Variants in TNR observed in about 807,000 individuals in gnomAD.
TNR encodes the protein tenascin R, also known as tenascin-R.
TNR carries 45 observed loss-of-function variants against 150.4 expected under a neutral mutation model. That is an observed-to-expected ratio of 0.30 (90% CI 0.24 to 0.38). The LOEUF is 0.38. TNR is among the 10% of genes least tolerant of loss of function. TNR has a pLI of 1.00. For synonymous variants in TNR, 687 were observed against 678.4 expected (o/e 1.01, Z -0.20); for missense variants, 1,544 against 1,759.1 (o/e 0.88, Z 2.19).
intron 2 of TNR, among the ~76,000 whole-genome samples, chr1:175,500,884 A>C (rs1658706383): frequency 6.6e-6 from 1 of 152,206 alleles, no homozygotes; most frequent in Admixed American, 6.5e-5. Context: ...ATAGCCATCC[A>C]GTCCTAATGG....
At chr1:175,650,115 A>C (rs1043351256) in intron 1 of TNR, among the ~76,000 whole-genome samples, 1 of 152,170 alleles carries the variant, frequency 6.6e-6, no homozygotes, top group Non-Finnish European at 1.5e-5. Context: ...CTTCATTTTG[A>C]TATCAATGTT....
intron 11 of TNR, among the ~76,000 whole-genome samples, 194 bp from the exon 12 acceptor site, chr1:175,365,473 T>G (rs1651792255): frequency 1.3e-5 from 2 of 152,172 alleles, no homozygotes; most frequent in Non-Finnish European, 2.9e-5. Context: ...TATAGGAAAA[T>G]GGATTCTGTT....
At chr1:175,525,944 G>A (rs559358177) in intron 2 of TNR, among the ~76,000 whole-genome samples, 3 of 152,002 alleles carry the variant, frequency 2.0e-5, no homozygotes, top group East Asian at 1.9e-4. Flanking sequence ...CAGATAACTC[G>A]GTTTGTTTGC....
chr1:175,333,701 G>A (rs1379206652), intron 20 of TNR, among the ~76,000 whole-genome samples: 3 of 152,214 alleles, frequency 2.0e-5, no homozygotes, highest in Non-Finnish European at 4.4e-5. Flanking sequence ...CCTCAATGAA[G>A]CTCACATAGC....
intron 20 of TNR, among the ~76,000 whole-genome samples, chr1:175,331,009 CTTTCT>C (rs1236281992): frequency 1.2e-4 from 6 of 48,684 alleles, no homozygotes; most frequent in African/African-American, 4.6e-4. Flanking sequence ...TTCTTTCTTT[CTTTCT>C]TTCTTTCTTT....
At chr1:175,557,497 C>T (rs1661215808) in intron 1 of TNR, among the ~76,000 whole-genome samples, 1 of 152,150 alleles carries the variant, frequency 6.6e-6, no homozygotes, top group South Asian at 2.1e-4. Context: ...TTCCCTCTCC[C>T]CAGCACCTTG....
At chr1:175,480,437 A>AAGAAAGAAAGAAAGAAAGAAAGAG (rs1657745634) in intron 2 of TNR, among the ~76,000 whole-genome samples, 1 of 151,584 alleles carries the variant, frequency 6.6e-6, no homozygotes, top group African/African-American at 2.4e-5. Flanking sequence ...GAAAGAAAGA[A>AAGAAAGAAAGAAAGAAAGAAAGAG]AGAAAGAGAA....
intron 8 of TNR, among the ~76,000 whole-genome samples, chr1:175,381,566 C>T (rs2102027295): frequency 6.6e-6 from 1 of 152,272 alleles, no homozygotes; most frequent in Non-Finnish European, 1.5e-5. Context: ...AAATTGTTTG[C>T]TCCCTCTGGC....
intron 6 of TNR, 24 bp downstream of exon 6, chr1:175,393,754 TTG>T (rs1215206986): frequency 6.5e-7 from 1 of 1,549,804 alleles, no homozygotes; most frequent in South Asian, 1.1e-5. Flanking sequence ...ATAAGTCTGT[TTG>T]GCAGTGTAAC....
Position 175,386,361 on chromosome 1 carries a change from A to T in TNR, c.1508-60T>A. 3 of 1,474,786 alleles carry T rather than the reference A, an allele frequency of 2.0e-6. No individual in the cohort carries two copies. The Admixed American group carries it at 7.3e-5, about 36-fold the overall frequency. 91.4% of individuals were successfully genotyped at this position (1,474,786 alleles called of 1,614,324 possible). A position where few individuals can be genotyped will look rare whatever the true frequency, so the allele number is the denominator to read the frequency against. ...GAATGAGAAATAAGCCTTGGGTGTC[A>T]GCTCTCTCTTTTCCTCCTTATGGAA... On this transcript the variant is annotated intron_variant, in intron 7 of 22. Coordinates refer to ENST00000367674, the MANE Select transcript of TNR (RefSeq NM_003285.3).
intron 1 of TNR, among the ~76,000 whole-genome samples, chr1:175,663,408 G>C (rs1207129589): frequency 6.6e-6 from 1 of 152,208 alleles, no homozygotes; most frequent in East Asian, 1.9e-4. Flanking sequence ...GGCAGGCAGA[G>C]GACTGCCCTG....
intron 1 of TNR, among the ~76,000 whole-genome samples, chr1:175,552,913 C>T (rs1354548829): frequency 6.6e-6 from 1 of 152,138 alleles, no homozygotes; most frequent in African/African-American, 2.4e-5. Flanking sequence ...GTGTTGACTT[C>T]ATGGTTAGAA....
chr1:175,580,684 T>C (rs947434473), intron 1 of TNR, among the ~76,000 whole-genome samples: 1 of 152,354 alleles, frequency 6.6e-6, no homozygotes. Flanking sequence ...TTTTTTTACT[T>C]ACAAGATTGT....
intron 1 of TNR, among the ~76,000 whole-genome samples, chr1:175,565,018 G>A (rs965551192): frequency 2.6e-5 from 4 of 152,222 alleles, no homozygotes; most frequent in African/African-American, 9.6e-5. Flanking sequence ...CCATAAACCA[G>A]AATTATGACA....
At chr1:175,445,800 AT>A (rs1656019481) in intron 2 of TNR, among the ~76,000 whole-genome samples, 2 of 152,212 alleles carry the variant, frequency 1.3e-5, no homozygotes, top group Admixed American at 6.5e-5. Flanking sequence ...TGCATGACCT[AT>A]GATTGCAGTT....
intron 2 of TNR, among the ~76,000 whole-genome samples, chr1:175,407,530 C>T (rs1654019310): frequency 6.6e-6 from 1 of 152,140 alleles, no homozygotes; most frequent in South Asian, 2.1e-4. Context: ...CACTGGGATG[C>T]AAATCAGTTT....
At chr1:175,676,844 C>A (rs1306790464) in intron 1 of TNR, among the ~76,000 whole-genome samples, 1 of 152,190 alleles carries the variant, frequency 6.6e-6, no homozygotes, top group African/African-American at 2.4e-5. Flanking sequence ...AGAAGTGGAG[C>A]TACAAGAAGA....
At chr1:175,611,130 TA>T (rs1302601903) in intron 1 of TNR, among the ~76,000 whole-genome samples, 2 of 152,134 alleles carry the variant, frequency 1.3e-5, no homozygotes, top group African/African-American at 4.8e-5. Flanking sequence ...TCAAAAACCT[TA>T]AAAAATTGCA....
At chr1:175,493,507 G>A (rs1020965609) in intron 2 of TNR, among the ~76,000 whole-genome samples, 1 of 152,188 alleles carries the variant, frequency 6.6e-6, no homozygotes, top group Non-Finnish European at 1.5e-5. Context: ...TCCGCCCCAC[G>A]CTCACCAGGA....
Sources: gnomAD v4.1 joint callset for allele counts (sites outside exome capture counted in the v4.1 genomes callset) on GRCh38, gnomAD v4.1.1 for gene constraint, MANE v1.5 for transcripts, NCBI Gene and HGNC (gene_info 2026-07-23, HGNC 2026-07-21) for gene names.